The following MAP4K3 variants were observed in gnomAD, a reference collection of about 807,000 sequenced individuals.
The protein encoded by MAP4K3 is mitogen-activated protein kinase kinase kinase kinase 3, also known as MAPK/ERK kinase kinase kinase 3.
A neutral mutation model predicts 143.5 loss-of-function variants in MAP4K3; 94 were observed. The ratio of observed to expected loss-of-function variants is 0.65; its 90% CI spans 0.55 to 0.78. The LOEUF is 0.78. MAP4K3 is among the 30% of genes least tolerant of loss of function. The pLI is 0.00. For synonymous variants in MAP4K3, 416 were observed against 347.2 expected, an observed-to-expected ratio of 1.20 and a Z score of -2.20; for missense variants, 1,077 against 1,068.1, an observed-to-expected ratio of 1.01 and a Z score of -0.12.
chr2:39,354,301 G>A lies in MAP4K3; in HGVS notation c.245+1948C>T, dbSNP rs371399229. Among the ~76,000 whole-genome samples the A allele has an allele frequency of 2.8e-4, 42 of 152,166 alleles. No individual in the cohort carries two copies. The East Asian group carries it at 6.2e-3, about 22-fold the overall frequency. On this transcript the variant is annotated intron_variant, in intron 3 of 33. Coordinates refer to ENST00000263881, the MANE Select transcript of MAP4K3 (RefSeq NM_003618.4). Reference sequence around the variant, plus strand: ...TACTAAAAATACAAAAAAATTAGCCGGGTGTGGTGGCAGGAGCCTGTAGTC... The same window carrying A: ...TACTAAAAATACAAAAAAATTAGCCAGGTGTGGTGGCAGGAGCCTGTAGTC...
chr2:39,324,108 A>C (rs1214385159), intron 12 of MAP4K3, among the ~76,000 whole-genome samples: 1 of 152,194 alleles, frequency 6.6e-6, no homozygotes, highest in Non-Finnish European at 1.5e-5. Context: ...TAAGCAAATC[A>C]ACACCAAAAA....
In MAP4K3 at chr2:39,345,417, TAAAG is replaced by T. The variant is rs1415738912; in HGVS notation, c.246-1969_246-1966del. The stretch of plus-strand genomic sequence containing the variant: ...GGGTGACAGACCGAGATCTGAATCT[TAAAG>T]AAAACAAAAAAGCAGAGATGCTTTT... On this transcript the variant is annotated intron_variant, in intron 3 of 33. Coordinates refer to ENST00000263881, the MANE Select transcript of MAP4K3 (RefSeq NM_003618.4). 3.9e-5 allele frequency among the ~76,000 whole-genome samples: 6 copies of T among 152,018 alleles called. No individual in the cohort carries two copies. The South Asian group carries it at 6.2e-4, about 16-fold the overall frequency.
intron 1 of MAP4K3, among the ~76,000 whole-genome samples, chr2:39,420,673 G>A (rs1667520674): frequency 6.6e-6 from 1 of 151,830 alleles, no homozygotes; most frequent in South Asian, 2.1e-4. Context: ...TCAGCATCCT[G>A]AAGTGTTGGA....
intron 2 of MAP4K3, among the ~76,000 whole-genome samples, chr2:39,362,553 T>A (rs1259604275): frequency 6.6e-6 from 1 of 152,054 alleles, no homozygotes; most frequent in African/African-American, 2.4e-5. Context: ...AACGTTTAAT[T>A]AGAAAAATAA....
intron 1 of MAP4K3, among the ~76,000 whole-genome samples, chr2:39,416,744 C>T (rs955830461): frequency 1.3e-5 from 2 of 152,210 alleles, no homozygotes; most frequent in Non-Finnish European, 2.9e-5. Flanking sequence ...CCCTCTTCTT[C>T]CTTAGCATAA....
chr2:39,320,174 A>G (rs899305460), intron 12 of MAP4K3, among the ~76,000 whole-genome samples: 3 of 152,290 alleles, frequency 2.0e-5, no homozygotes, highest in South Asian at 4.1e-4. Flanking sequence ...CATCGAGTTA[A>G]ATATAAATAA....
Position 39,307,722 on chromosome 2 carries a change from A to T in MAP4K3, c.1119+221T>A, listed in dbSNP as rs147702113. On this transcript the variant is annotated intron_variant, in intron 15 of 33. Coordinates refer to ENST00000263881, the MANE Select transcript of MAP4K3 (RefSeq NM_003618.4). ...AAAATTAAATATTAACATTTTTCAT[A>T]AAAAATACAAGCATGTTTATTACTA... Among the ~76,000 whole-genome samples, 408 of 152,118 alleles carry T rather than the reference A, an allele frequency of 2.7e-3. 1 individual carries two copies. The highest frequency in any genetic ancestry group is 9.2e-3 in the African/African-American group (382 of 41,562).
At chr2:39,347,429 G>T (rs796811217) in intron 3 of MAP4K3, among the ~76,000 whole-genome samples, 4 of 152,264 alleles carry the variant, frequency 2.6e-5, no homozygotes, top group African/African-American at 9.6e-5. Context: ...AAGCAACTAG[G>T]ACTTCACACA....
intron 28 of MAP4K3, among the ~76,000 whole-genome samples, chr2:39,263,653 T>C (rs1034232540): frequency 6.6e-6 from 1 of 152,102 alleles, no homozygotes; most frequent in Non-Finnish European, 1.5e-5. Context: ...GCAAACATTA[T>C]AGCTCAGAGA....
intron 1 of MAP4K3, among the ~76,000 whole-genome samples, chr2:39,384,427 T>A (rs1254125190): frequency 6.6e-6 from 1 of 152,202 alleles, no homozygotes; most frequent in East Asian, 1.9e-4. Flanking sequence ...GTGCCTGTAA[T>A]CCCAGCTACT....
intron 24 of MAP4K3, among the ~76,000 whole-genome samples, chr2:39,276,945 TG>T (rs1417064339): frequency 6.6e-6 from 1 of 152,238 alleles, no homozygotes; most frequent in East Asian, 1.9e-4. Flanking sequence ...CACAACGCTG[TG>T]AACGTACTAA....
chr2:39,341,029 T>C (rs567253712), intron 4 of MAP4K3, among the ~76,000 whole-genome samples: 13 of 152,186 alleles, frequency 8.5e-5, no homozygotes, highest in African/African-American at 3.1e-4. Context: ...TAATTGATAA[T>C]TGTCCAGATG....
rs949584037 is a variant in MAP4K3, at chr2:39,249,544, T to C, written c.*1074A>G. 1.1e-4 allele frequency: 17 copies of C among 152,626 alleles called. No homozygotes were observed. The highest frequency in any genetic ancestry group is 2.2e-4 in the Non-Finnish European group (15 of 68,012). The allele number at this position is 152,626 out of a possible 1,614,324, so 9.5% of individuals were successfully genotyped here. A position where few individuals can be genotyped will look rare whatever the true frequency, so the allele number is the denominator to read the frequency against. Reference sequence around the variant, plus strand: ...TTCCTGTGATGTGTAGTAACCATTATATTGTTTGTATGAGGTAGTAACTAA... The same window carrying C: ...TTCCTGTGATGTGTAGTAACCATTACATTGTTTGTATGAGGTAGTAACTAA... On this transcript the variant is annotated 3_prime_UTR_variant, in exon 34 of 34. Coordinates refer to ENST00000263881, the MANE Select transcript of MAP4K3 (RefSeq NM_003618.4).
chr2:39,315,119 C>T (rs566222366), intron 13 of MAP4K3, among the ~76,000 whole-genome samples, 191 bp downstream of exon 13: 2 of 152,296 alleles, frequency 1.3e-5, no homozygotes, highest in South Asian at 2.1e-4. Context: ...AACATAAATA[C>T]ATCCCATCCT....
intron 1 of MAP4K3, among the ~76,000 whole-genome samples, chr2:39,400,997 T>C (rs1167638432): frequency 3.9e-5 from 6 of 152,064 alleles, no homozygotes; most frequent in Non-Finnish European, 8.8e-5. Flanking sequence ...GCTACAGTGA[T>C]TCCTTAAAAA....
intron 1 of MAP4K3, among the ~76,000 whole-genome samples, chr2:39,384,634 T>G (rs1469225108): frequency 6.6e-6 from 1 of 152,214 alleles, no homozygotes; most frequent in Non-Finnish European, 1.5e-5. Context: ...ATCTGCAATA[T>G]CCAATACATT....
At chr2:39,318,312 A>G (rs1471169241) in intron 12 of MAP4K3, among the ~76,000 whole-genome samples, 2 of 152,130 alleles carry the variant, frequency 1.3e-5, no homozygotes, top group Non-Finnish European at 1.5e-5. Context: ...TGGGTGACAA[A>G]AGAATATGTA....
intron 1 of MAP4K3, among the ~76,000 whole-genome samples, chr2:39,420,329 G>C (rs1667511074): frequency 6.6e-6 from 1 of 152,090 alleles, no homozygotes; most frequent in Non-Finnish European, 1.5e-5. Context: ...TACAGAATAG[G>C]TGTTTTATAT....
At chr2:39,284,105 A>G (rs1002835368) in intron 21 of MAP4K3, among the ~76,000 whole-genome samples, 17 of 152,170 alleles carry the variant, frequency 1.1e-4, no homozygotes, top group African/African-American at 3.9e-4. Flanking sequence ...TTTTTCTTAT[A>G]TTGATGTTAT....
Sources: gnomAD v4.1 joint callset for allele counts (sites outside exome capture counted in the v4.1 genomes callset) on GRCh38, gnomAD v4.1.1 for gene constraint, MANE v1.5 for transcripts, NCBI Gene and HGNC (gene_info 2026-07-23, HGNC 2026-07-21) for gene names.